RGL1: variants seen among roughly 807,000 people sequenced by gnomAD.
The protein encoded by RGL1 is ral guanine nucleotide dissociation stimulator like 1.
In RGL1, 24 loss-of-function variants were observed where a neutral mutation model predicts 95.2. That is an observed-to-expected ratio of 0.25 (90% CI 0.18 to 0.35). The LOEUF (loss-of-function observed/expected upper bound fraction) is 0.35, where lower values mean the gene tolerates loss of function less well. Ranked by LOEUF, RGL1 falls within the 10% of genes least tolerant of loss-of-function variation. The pLI is 1.00. For missense variants in RGL1, 715 were observed against 936.3 expected (o/e 0.76, Z 3.08); for synonymous variants, 329 against 344.9 (o/e 0.95, Z 0.51).
Position 183,920,905 on chromosome 1 carries a change from C to A in RGL1, c.2005-1317C>A, listed in dbSNP as rs75453463. On this transcript the variant is annotated intron_variant, in intron 16 of 17. Coordinates refer to ENST00000360851, the MANE Select transcript of RGL1 (RefSeq NM_001297671.3). The stretch of plus-strand genomic sequence containing the variant: ...CCCAGATCAGAGTGAGGCATCTTGG[C>A]ACTGCCATCCTCAGGCACACAATGG... 2.4e-4 allele frequency among the ~76,000 whole-genome samples: 36 copies of A among 152,274 alleles called. No individual in the cohort carries two copies. The East Asian group carries it at 6.2e-3, about 26-fold the overall frequency.
At chr1:183,901,573 A>G (rs1668027918) in intron 11 of RGL1, among the ~76,000 whole-genome samples, 1 of 152,168 alleles carries the variant, frequency 6.6e-6, no homozygotes, top group Non-Finnish European at 1.5e-5. Flanking sequence ...GGTGGGGTAG[A>G]GAGTCAGTCA....
chr1:183,752,224 G>T (rs1044257804), intron 2 of RGL1, among the ~76,000 whole-genome samples: 5 of 148,302 alleles, frequency 3.4e-5, no homozygotes, highest in African/African-American at 7.7e-5. Flanking sequence ...GGAATTGTCA[G>T]ATTTCTTAAT....
intron 1 of RGL1, among the ~76,000 whole-genome samples, chr1:183,725,696 A>G (rs931024098): frequency 1.3e-5 from 2 of 152,218 alleles, no homozygotes; most frequent in African/African-American, 2.4e-5. Context: ...CAGATCTGGA[A>G]AGATAAAAAG....
In RGL1 at chr1:183,747,353, T is replaced by A. The variant is rs112347880; in HGVS notation, c.132+5064T>A. Among the ~76,000 whole-genome samples, 1,000 of 152,330 alleles carry A rather than the reference T, an allele frequency of 6.6e-3. 14 individuals carry two copies. Among genetic ancestry groups the A allele is most frequent in the African/African-American group, 0.023 (970 of 41,566 alleles). ...ACTTTTTATTGATGGCCATTCTAAC[T>A]GGTGTGAGATGGTATCTCATTGTAT... On this transcript the variant is annotated intron_variant, in intron 2 of 18. Coordinates refer to the RGL1 transcript ENST00000304685.
At chr1:183,645,867 A>G (rs1187384507) in intron 1 of RGL1, among the ~76,000 whole-genome samples, 1 of 152,248 alleles carries the variant, frequency 6.6e-6, no homozygotes, top group African/African-American at 2.4e-5. Flanking sequence ...ACCTGTGAGT[A>G]ATCTTCTTTG....
chr1:183,912,245 A>G lies in RGL1; in HGVS notation c.1726A>G (p.Thr576Ala). The change falls in exon 15 of 18, where the codon ACC becomes GCC. Residue 576 changes from threonine (T) to alanine (A), a missense_variant. Coordinates refer to ENST00000360851, the MANE Select transcript of RGL1 (RefSeq NM_001297671.3). ...AEEGSITPMD[T>A]PDEPQKKLSE... ...GGAGGGCTCCATTACTCCCATGGAC[A>G]CCCCTGATGAGCCTCAAAAAAAGGT... The G allele has an allele frequency of 6.2e-7, 1 of 1,613,794 alleles. No individual in the cohort carries two copies. The highest frequency in any genetic ancestry group is 1.1e-5 in the South Asian group (1 of 91,062).
Position 183,828,733 on chromosome 1 carries a change from T to C in RGL1, c.139-18833T>C, listed in dbSNP as rs985015520. On this transcript the variant is annotated intron_variant, in intron 2 of 17. Transcript: ENST00000360851. ...AAAGATAATGATTCCCAATCTGAAA[T>C]TTACTAGTCAAAAATGAACTTGTAA... Among the ~76,000 whole-genome samples the C allele has an allele frequency of 2.6e-5, 4 of 152,296 alleles. No individual in the cohort carries two copies. The South Asian group carries it at 6.2e-4, about 24-fold the overall frequency.
chr1:183,810,894 C>G (rs1358126034), intron 2 of RGL1, among the ~76,000 whole-genome samples: 1 of 152,206 alleles, frequency 6.6e-6, no homozygotes, highest in Non-Finnish European at 1.5e-5. Flanking sequence ...TGTGCATTTA[C>G]CTCACTCTGT....
intron 1 of RGL1, among the ~76,000 whole-genome samples, chr1:183,638,227 A>G (rs190818015): frequency 1.1e-4 from 17 of 152,308 alleles, no homozygotes; most frequent in Admixed American, 9.1e-4. Flanking sequence ...GCTCAAGGGT[A>G]TAATTATTTT....
chr1:183,702,697 G>A (rs1441801567), intron 1 of RGL1, among the ~76,000 whole-genome samples: 2 of 152,204 alleles, frequency 1.3e-5, no homozygotes, highest in Admixed American at 6.5e-5. Context: ...ACATACTGAT[G>A]TGGGCAGGCA....
intron 1 of RGL1, among the ~76,000 whole-genome samples, chr1:183,731,302 C>T (rs998718068): frequency 1.3e-5 from 2 of 152,174 alleles, no homozygotes; most frequent in African/African-American, 4.8e-5. Context: ...AGTGAAATAA[C>T]TGACTGTCCA....
intron 1 of RGL1, among the ~76,000 whole-genome samples, chr1:183,646,006 A>G (rs776627305): frequency 1.3e-4 from 20 of 152,268 alleles, no homozygotes; most frequent in South Asian, 4.1e-4. Flanking sequence ...TCTATTTCAG[A>G]CCATGTTTCT....
At chr1:183,700,922 C>G (rs776903466) in intron 1 of RGL1, among the ~76,000 whole-genome samples, 8 of 152,132 alleles carry the variant, frequency 5.3e-5, no homozygotes, top group Non-Finnish European at 8.8e-5. Context: ...GAGCCCCTGA[C>G]AGGCCCCGGT....
intron 11 of RGL1, among the ~76,000 whole-genome samples, chr1:183,902,061 T>C (rs74133025): frequency 0.016 from 2,374 of 152,308 alleles, 76 homozygotes; most frequent in African/African-American, 0.055. Flanking sequence ...CACCCATCAG[T>C]GTTGGGGAAT....
intron 2 of RGL1, among the ~76,000 whole-genome samples, chr1:183,792,316 A>G (rs1660476363): frequency 6.6e-6 from 1 of 152,064 alleles, no homozygotes; most frequent in Non-Finnish European, 1.5e-5. Flanking sequence ...AGCCTAGGTG[A>G]TAATTATTTG....
rs1469610443 is a variant in RGL1, at chr1:183,927,995, A to G, written c.*1703A>G. On this transcript the variant is annotated 3_prime_UTR_variant, in exon 18 of 18. Coordinates refer to ENST00000360851, the MANE Select transcript of RGL1 (RefSeq NM_001297671.3). ...TTTGGTCTTTCCAGGAGATTGGACT[A>G]CACATTGTAAAGACTGACTGGGTTT... 2 of 152,564 alleles carry G rather than the reference A, an allele frequency of 1.3e-5. No individual in the cohort carries two copies. The highest frequency in any genetic ancestry group is 4.8e-5 in the African/African-American group (2 of 41,424). 9.5% of individuals were successfully genotyped at this position (152,564 alleles called of 1,614,324 possible).
chr1:183,859,396 A>G (rs1665369781), intron 3 of RGL1, among the ~76,000 whole-genome samples: 1 of 152,212 alleles, frequency 6.6e-6, no homozygotes, highest in Non-Finnish European at 1.5e-5. Context: ...TTGGATGAAT[A>G]GTGTCCTTTT....
chr1:183,838,761 A>T (rs1663833911), intron 2 of RGL1, among the ~76,000 whole-genome samples: 1 of 152,254 alleles, frequency 6.6e-6, no homozygotes, highest in Non-Finnish European at 1.5e-5. Context: ...TCTGAGAGGG[A>T]CTTCTGGGCA....
intron 1 of RGL1, among the ~76,000 whole-genome samples, chr1:183,695,954 A>G (rs889589973): frequency 8.5e-5 from 13 of 152,206 alleles, no homozygotes; most frequent in Non-Finnish European, 8.8e-5. Context: ...GCCTACTGAA[A>G]ATATTATTCA....
Sources: gnomAD v4.1 joint callset for allele counts (sites outside exome capture counted in the v4.1 genomes callset) on GRCh38, gnomAD v4.1.1 for gene constraint, MANE v1.5 for transcripts, NCBI Gene and HGNC (gene_info 2026-07-23, HGNC 2026-07-21) for gene names.